PLEKHA6: variants seen among roughly 807,000 people sequenced by gnomAD.
PLEKHA6 encodes pleckstrin homology domain containing A6.
PLEKHA6 carries 60 observed loss-of-function variants against 116.7 expected under a neutral mutation model. The observed-to-expected ratio is 0.51, with a 90% CI of 0.42 to 0.64. PLEKHA6 has a LOEUF of 0.64. Among genes scored for constraint, PLEKHA6 ranks in the 30% least tolerant of loss-of-function variants. The probability of loss-of-function intolerance (pLI) is 0.00; values close to 1 mark genes in which losing one functional copy is unlikely to be tolerated. For missense variants in PLEKHA6, 1,338 were observed against 1,422.7 expected, an observed-to-expected ratio of 0.94 and a Z score of 0.96; for synonymous variants, 489 against 556.1, an observed-to-expected ratio of 0.88 and a Z score of 1.70.
chr1:204,365,416 G>A (rs765249509), intron 3 of PLEKHA6, among the ~76,000 whole-genome samples: 6 of 152,282 alleles, frequency 3.9e-5, no homozygotes, highest in Non-Finnish European at 7.3e-5. Flanking sequence ...TGGAGATATC[G>A]AGAAGTGGGT....
At chr1:204,245,063 TGG>T in intron 14 of PLEKHA6, 60 bp from the exon 15 acceptor site, 2 of 1,209,536 alleles carry the variant, frequency 1.7e-6, no homozygotes, top group Non-Finnish European at 2.2e-6. Context: ...GGTGGGTAGA[TGG>T]GCACTGTGAG....
upstream of PLEKHA6, among the ~76,000 whole-genome samples, chr1:204,362,292 G>A (rs1243947032): frequency 6.6e-6 from 1 of 152,182 alleles, no homozygotes; most frequent in Non-Finnish European, 1.5e-5. Flanking sequence ...CAACTCCAAT[G>A]GGGAAGGCGT....
chr1:204,250,113 C>T (rs1255162674), intron 10 of PLEKHA6, among the ~76,000 whole-genome samples: 2 of 152,236 alleles, frequency 1.3e-5, no homozygotes, highest in Non-Finnish European at 2.9e-5. Context: ...TCCCACTACC[C>T]TGAAGCTCCC....
At chr1:204,274,585 C>T in intron 2 of PLEKHA6, 144 bp downstream of exon 2, 1 of 985,480 alleles carries the variant, frequency 1.0e-6, no homozygotes, top group African/African-American at 1.7e-5. Flanking sequence ...TGCTTCCAGT[C>T]CTCAGAACCG....
chr1:204,332,575 T>TTTCA (rs1196595882), intron 1 of PLEKHA6, among the ~76,000 whole-genome samples: 3 of 151,966 alleles, frequency 2.0e-5, no homozygotes, highest in African/African-American at 7.3e-5. Flanking sequence ...AGAGATGGGG[T>TTTCA]TTCACCATGT....
At chr1:204,291,932 A>G (rs16853233) in intron 1 of PLEKHA6, among the ~76,000 whole-genome samples, 8,996 of 152,312 alleles carry the variant, frequency 0.059, 452 homozygotes, top group African/African-American at 0.13. Flanking sequence ...TATAAAAAAG[A>G]AAAGCCTTCA....
intron 1 of PLEKHA6, among the ~76,000 whole-genome samples, chr1:204,318,872 G>A (rs1228355026): frequency 1.2e-4 from 18 of 152,196 alleles, no homozygotes; most frequent in Non-Finnish European, 1.5e-5. Flanking sequence ...GATGTTAGGA[G>A]GGGAATATTC....
upstream of PLEKHA6, among the ~76,000 whole-genome samples, chr1:204,363,779 G>A (rs990616993): frequency 4.6e-5 from 7 of 152,296 alleles, no homozygotes; most frequent in African/African-American, 1.4e-4. Flanking sequence ...CCTTCAGCCT[G>A]GGGAGACGCT....
chr1:204,235,383 T>C (rs1465163122), intron 17 of PLEKHA6, among the ~76,000 whole-genome samples: 1 of 152,150 alleles, frequency 6.6e-6, no homozygotes, highest in Non-Finnish European at 1.5e-5. Context: ...TGAAGCTGGT[T>C]GGTTGCTCCT....
chr1:204,343,107 C>T (rs141676393), intron 1 of PLEKHA6, among the ~76,000 whole-genome samples: 4 of 152,174 alleles, frequency 2.6e-5, no homozygotes, highest in Admixed American at 2.0e-4. Flanking sequence ...GACAGCTGTC[C>T]GTGGGAAAAT....
intron 1 of PLEKHA6, among the ~76,000 whole-genome samples, chr1:204,320,240 G>A (rs1199223748): frequency 6.6e-6 from 1 of 152,156 alleles, no homozygotes; most frequent in African/African-American, 2.4e-5. Flanking sequence ...GCTGTCTTGG[G>A]TGATGGAAGT....
At chr1:204,297,186 G>T in intron 1 of PLEKHA6, 1 of 982,150 alleles carries the variant, frequency 1.0e-6, no homozygotes, top group Non-Finnish European at 1.2e-6. Flanking sequence ...AAATCTCCTG[G>T]CTCTAACATT....
At chr1:204,230,715 G>T in intron 17 of PLEKHA6, 129 bp from the exon 18 acceptor site, 3 of 736,690 alleles carry the variant, frequency 4.1e-6, no homozygotes, top group South Asian at 4.0e-5. Flanking sequence ...GTCCCCAAAA[G>T]ATATGTCCAA....
At chr1:204,366,761 A>T (rs1378145923) in intron 3 of PLEKHA6, among the ~76,000 whole-genome samples, 1 of 152,086 alleles carries the variant, frequency 6.6e-6, no homozygotes, top group Non-Finnish European at 1.5e-5. Context: ...ACCCTATCTT[A>T]AAAAAAAGAA....
chr1:204,376,473 T>C (rs1448753403), intron 1 of PLEKHA6, among the ~76,000 whole-genome samples: 4 of 152,242 alleles, frequency 2.6e-5, no homozygotes, highest in Non-Finnish European at 5.9e-5. Flanking sequence ...ATTTCTAAGA[T>C]AATATAATTA....
chr1:204,343,707 C>T (rs1672926642), intron 1 of PLEKHA6, among the ~76,000 whole-genome samples: 1 of 152,174 alleles, frequency 6.6e-6, no homozygotes, highest in South Asian at 2.1e-4. Context: ...GAAAAAACTA[C>T]TTCACAGGGC....
chr1:204,285,460 T>G (rs953747616), intron 1 of PLEKHA6, among the ~76,000 whole-genome samples: 11 of 60,548 alleles, frequency 1.8e-4, no homozygotes, highest in Admixed American at 6.0e-4. Context: ...TTGTTGTTGG[T>G]TTTTTTTTGG....
At chr1:204,231,131 G>T (rs974913587) in intron 17 of PLEKHA6, among the ~76,000 whole-genome samples, 1 of 152,180 alleles carries the variant, frequency 6.6e-6, no homozygotes, top group African/African-American at 2.4e-5. Context: ...CTGGGAAGGG[G>T]TTGCTGCTAT....
intron 17 of PLEKHA6, among the ~76,000 whole-genome samples, chr1:204,234,954 TTA>T (rs61156938): frequency 8.0e-4 from 15 of 18,740 alleles, no homozygotes; most frequent in Admixed American, 2.2e-3. Context: ...AAACTGCCCT[TTA>T]TATATATATA....
Sources: allele counts gnomAD v4.1 joint callset (sites outside exome capture counted in the v4.1 genomes callset), GRCh38; gene constraint gnomAD v4.1.1; transcripts MANE v1.5; gene names NCBI Gene and HGNC (gene_info 2026-07-23, HGNC 2026-07-21).